The following BRINP3 variants were observed in gnomAD, a reference collection of about 807,000 sequenced individuals.
BRINP3 encodes BMP/retinoic acid-inducible neural-specific protein 3.
In BRINP3, 19 loss-of-function variants were observed where a neutral mutation model predicts 71.0. The ratio of observed to expected loss-of-function variants is 0.27; its 90% confidence interval spans 0.19 to 0.39. The LOEUF is 0.39. Among genes scored for constraint, BRINP3 ranks in the 10% least tolerant of loss-of-function variants. The pLI is 1.00. For synonymous variants in BRINP3, 380 were observed against 337.7 expected (o/e 1.13, Z -1.37); for missense variants, 959 against 940.8 (o/e 1.02, Z -0.25).
chr1:190,248,053 G>T (rs964817831), intron 4 of BRINP3, among the ~76,000 whole-genome samples: 1 of 151,540 alleles, frequency 6.6e-6, no homozygotes, highest in African/African-American at 2.4e-5. Context: ...TCCCCTCTTT[G>T]CATGGTTTCT....
intron 2 of BRINP3, among the ~76,000 whole-genome samples, chr1:190,396,710 A>AT (rs1219378959): frequency 9.2e-6 from 1 of 109,152 alleles, no homozygotes; most frequent in African/African-American, 3.4e-5. Flanking sequence ...TTCCTAATTT[A>AT]ATGATATATA....
chr1:190,443,715 T>C (rs1164661780), intron 2 of BRINP3, among the ~76,000 whole-genome samples: 1 of 152,138 alleles, frequency 6.6e-6, no homozygotes, highest in Non-Finnish European at 1.5e-5. Context: ...CAAGATAAAC[T>C]GAGAGGTTTA....
intron 2 of BRINP3, among the ~76,000 whole-genome samples, chr1:190,434,400 G>A (rs1468601724): frequency 5.9e-5 from 9 of 151,974 alleles, no homozygotes; most frequent in Middle Eastern, 3.4e-3. Flanking sequence ...ATGACCCACC[G>A]TTCCCAGCCC....
chr1:190,365,763 A>G (rs1320225258), intron 2 of BRINP3, among the ~76,000 whole-genome samples: 1 of 145,926 alleles, frequency 6.9e-6, no homozygotes, highest in African/African-American at 2.5e-5. Context: ...TAAAATGTAT[A>G]TTAAAATATA....
At chr1:190,477,102 A>G (rs1677550253) in intron 1 of BRINP3, among the ~76,000 whole-genome samples, 1 of 152,214 alleles carries the variant, frequency 6.6e-6, no homozygotes, top group Non-Finnish European at 1.5e-5. Context: ...ATAAACCTAT[A>G]AAATGTGACA....
At chr1:190,441,729 T>TA (rs1290140424) in intron 2 of BRINP3, among the ~76,000 whole-genome samples, 1 of 152,110 alleles carries the variant, frequency 6.6e-6, no homozygotes, top group Non-Finnish European at 1.5e-5. Context: ...TTTAATGAGA[T>TA]ATGGACACAT....
At chr1:190,249,672 C>A (rs1317723473) in intron 4 of BRINP3, among the ~76,000 whole-genome samples, 1 of 151,768 alleles carries the variant, frequency 6.6e-6, no homozygotes, top group Non-Finnish European at 1.5e-5. Context: ...TTAACCTACA[C>A]CAAATGTGAA....
chr1:190,175,216 A>G (rs777597110), intron 6 of BRINP3, among the ~76,000 whole-genome samples: 1 of 152,194 alleles, frequency 6.6e-6, no homozygotes, highest in Non-Finnish European at 1.5e-5. Context: ...TTGAAATAGC[A>G]AATTGCAAAG....
intron 2 of BRINP3, among the ~76,000 whole-genome samples, chr1:190,339,248 A>G (rs1289273854): frequency 1.3e-5 from 2 of 151,972 alleles, no homozygotes; most frequent in Non-Finnish European, 2.9e-5. Flanking sequence ...CAGTAGCTGC[A>G]CTGCAGATAG....
chr1:190,381,209 CGT>C (rs1670527549), intron 2 of BRINP3, among the ~76,000 whole-genome samples: 1 of 152,028 alleles, frequency 6.6e-6, no homozygotes, highest in African/African-American at 2.4e-5. Flanking sequence ...TTAAAATTTA[CGT>C]GTGTTGTCCT....
chr1:190,279,836 T>C (rs1446030750), intron 3 of BRINP3, among the ~76,000 whole-genome samples: 1 of 151,928 alleles, frequency 6.6e-6, no homozygotes, highest in African/African-American at 2.4e-5. Flanking sequence ...TATTCCTGAA[T>C]TATAACTCAA....
At chr1:190,181,836 T>C (rs993279693) in intron 6 of BRINP3, among the ~76,000 whole-genome samples, 2 of 152,080 alleles carry the variant, frequency 1.3e-5, no homozygotes, top group African/African-American at 4.8e-5. Flanking sequence ...TTTTTGTTTT[T>C]TTAACCTTCT....
At chr1:190,383,013 G>T (rs546507057) in intron 2 of BRINP3, among the ~76,000 whole-genome samples, 3 of 152,100 alleles carry the variant, frequency 2.0e-5, no homozygotes, top group Non-Finnish European at 4.4e-5. Context: ...ATTGATTTGT[G>T]TCTTCACAGT....
chr1:190,118,670 G>A lies in BRINP3; in HGVS notation c.1185-19536C>T, dbSNP rs1040257299. ...GAAGGGCAATATGGTACTCTTCTGTGCTACTTAAGACTGCCTTTCCACAAA... is the reference window on the plus strand; with the variant it reads ...GAAGGGCAATATGGTACTCTTCTGTACTACTTAAGACTGCCTTTCCACAAA... On this transcript the variant is annotated intron_variant, in intron 7 of 7. Coordinates refer to ENST00000367462, the MANE Select transcript of BRINP3 (RefSeq NM_199051.3). Among the ~76,000 whole-genome samples, 6 of 152,234 alleles carry A rather than the reference G, an allele frequency of 3.9e-5. No individual in the cohort carries two copies. In the South Asian group the frequency reaches 1.2e-3, roughly 32 times the overall value.
At chr1:190,117,885 T>G (rs767016023) in intron 7 of BRINP3, among the ~76,000 whole-genome samples, 1 of 152,090 alleles carries the variant, frequency 6.6e-6, no homozygotes, top group Non-Finnish European at 1.5e-5. Context: ...TGCCATTGAC[T>G]TTTTGTAGAA....
chr1:190,206,349 A>G lies in BRINP3; in HGVS notation c.961+19733T>C, dbSNP rs148774894. ...TAAATAAATAAATAAATAAATGTCA[A>G]TGAGCAGTAAGGAAAAACTTAATCT... On this transcript the variant is annotated intron_variant, in intron 6 of 7. Transcript: ENST00000367462. Among the ~76,000 whole-genome samples the G allele has an allele frequency of 7.4e-4, 112 of 152,140 alleles. 1 individual carries two copies. The East Asian group carries it at 0.021, about 28-fold the overall frequency.
intron 6 of BRINP3, among the ~76,000 whole-genome samples, chr1:190,195,914 G>A (rs1571329234): frequency 6.6e-6 from 1 of 151,752 alleles, no homozygotes; most frequent in Admixed American, 6.6e-5. Context: ...TTAAACTCAT[G>A]TTCAGCTACA....
At chr1:190,214,146 T>G (rs2102660146) in intron 6 of BRINP3, among the ~76,000 whole-genome samples, 1 of 152,204 alleles carries the variant, frequency 6.6e-6, no homozygotes, top group South Asian at 2.1e-4. Context: ...ACCTTCAGGT[T>G]CAGGCCTTCA....
chr1:190,240,872 C>CCA, intron 4 of BRINP3, among the ~76,000 whole-genome samples: 1 of 38,268 alleles, frequency 2.6e-5, no homozygotes, highest in Middle Eastern at 0.025. Flanking sequence ...AACTCTGTCT[C>CCA]AAAAAAAAAA....
Sources: gnomAD v4.1 joint callset for allele counts (sites outside exome capture counted in the v4.1 genomes callset) on GRCh38, gnomAD v4.1.1 for gene constraint, MANE v1.5 for transcripts, NCBI Gene and HGNC (gene_info 2026-07-23, HGNC 2026-07-21) for gene names.